The following BTN3A2 variants were observed in gnomAD, a reference collection of about 807,000 sequenced individuals.
BTN3A2 encodes butyrophilin protein.
In BTN3A2, 25 loss-of-function variants were observed where a neutral mutation model predicts 37.6. The observed-to-expected ratio is 0.66, with a 90% confidence interval of 0.48 to 0.93. The LOEUF (loss-of-function observed/expected upper bound fraction) is 0.93, where lower values mean the gene tolerates loss of function less well. BTN3A2 is among the 40% of genes least tolerant of loss of function. The pLI is 0.00. For missense variants in BTN3A2, 266 were observed against 410.9 expected (o/e 0.65, Z 3.05); for synonymous variants, 122 against 159.4 (o/e 0.77, Z 1.77).
chr6:26,375,992 G>A lies in BTN3A2; in HGVS notation c.*230G>A, dbSNP rs1760679726. On this transcript the variant is annotated 3_prime_UTR_variant, in exon 11 of 11. Transcript: ENST00000377708. ...AAGGCTGAGGAGGGCGGATCACAAG[G>A]TCAGGAGATCAAGACCATCCTGGCT... is the stretch of plus-strand genomic sequence containing the variant. 3.6e-6 allele frequency: 3 copies of A among 824,184 alleles called. No individual in the cohort carries two copies. Among genetic ancestry groups the A allele is most frequent in the South Asian group, 1.9e-5 (1 of 52,830 alleles). 51.1% of individuals were successfully genotyped at this position (824,184 alleles called of 1,614,324 possible).
chr6:26,369,619 G>C (rs2113686728), intron 4 of BTN3A2, among the ~76,000 whole-genome samples: 1 of 152,262 alleles, frequency 6.6e-6, no homozygotes, highest in Admixed American at 6.5e-5. Flanking sequence ...GACAAAAGCT[G>C]TAATTGATGA....
chr6:26,368,389 G>A, intron 3 of BTN3A2, 122 bp downstream of exon 3: 2 of 1,532,388 alleles, frequency 1.3e-6, no homozygotes, highest in South Asian at 1.2e-5. Context: ...TCCCATACCT[G>A]GAAGTCCATC....
In BTN3A2 at chr6:26,377,431, A is replaced by C. The variant is rs937565919; in HGVS notation, c.*1669A>C. On this transcript the variant is annotated 3_prime_UTR_variant, in exon 11 of 11. Coordinates refer to ENST00000377708, the MANE Select transcript of BTN3A2 (RefSeq NM_007047.5). ...TTGACTTTACAAAGCAGACAGGAAT[A>C]GTGAACAACAGAGCTGGGATCTGAA... The C allele has an allele frequency of 2.2e-6, 1 of 460,570 alleles. No homozygotes were observed. The highest frequency in any genetic ancestry group is 4.0e-6 in the Non-Finnish European group (1 of 250,132). 28.5% of individuals were successfully genotyped at this position (460,570 alleles called of 1,614,324 possible). A position where few individuals can be genotyped will look rare whatever the true frequency, so the allele number is the denominator to read the frequency against.
chr6:26,375,629 G>A (rs1056353769), intron 10 of BTN3A2, 168 bp from the exon 11 acceptor site: 1 of 1,496,310 alleles, frequency 6.7e-7, no homozygotes, highest in African/African-American at 1.4e-5. Context: ...CTGAAGGCTG[G>A]AGAGTGAATC....
In BTN3A2 at chr6:26,378,169, T is replaced by C. The variant is rs1190686197; in HGVS notation, c.*2407T>C. 6.6e-6 allele frequency: 1 copy of C among 152,224 alleles called. No homozygotes were observed. Among genetic ancestry groups the C allele is most frequent in the African/African-American group, 2.4e-5 (1 of 41,444 alleles). 9.4% of individuals were successfully genotyped at this position (152,224 alleles called of 1,614,324 possible). A position where few individuals can be genotyped will look rare whatever the true frequency, so the allele number is the denominator to read the frequency against. On this transcript the variant is annotated 3_prime_UTR_variant, in exon 11 of 11. Transcript: ENST00000377708. ...TCCACTCCTGGTCATTGGTGGATGT[T>C]AAACCCATATTCCTTTCAACTGCTG...
In BTN3A2 at chr6:26,376,302, C is replaced by T. The variant is rs1030499995; in HGVS notation, c.*540C>T. On this transcript the variant is annotated 3_prime_UTR_variant, in exon 11 of 11. Transcript: ENST00000377708. ...AGAATCAATGTGGGGAGGGAAACAACAAAAATGTAGAAAGAGGATCCTTGT... is the reference window on the plus strand; with the variant it reads ...AGAATCAATGTGGGGAGGGAAACAATAAAAATGTAGAAAGAGGATCCTTGT... 8 of 196,742 alleles carry T rather than the reference C, an allele frequency of 4.1e-5. No individual in the cohort carries two copies. The highest frequency in any genetic ancestry group is 3.2e-4 in the South Asian group (3 of 9,238). 12.2% of individuals were successfully genotyped at this position (196,742 alleles called of 1,614,324 possible).
chr6:26,371,399 A>C (rs575870281), intron 5 of BTN3A2, among the ~76,000 whole-genome samples: 8 of 152,316 alleles, frequency 5.3e-5, no homozygotes, highest in African/African-American at 7.2e-5. Flanking sequence ...ATATGAAATA[A>C]TTTTTCACTT....
chr6:26,373,588 GAAAAAAAA>G, intron 8 of BTN3A2, 175 bp downstream of exon 8: 8 of 139,482 alleles, frequency 5.7e-5, no homozygotes, highest in Non-Finnish European at 7.9e-5. Context: ...TTTCTCTCTA[GAAAAAAAA>G]AAAAAAAAAA....
intron 8 of BTN3A2, 40 bp from the exon 9 acceptor site, chr6:26,374,287 G>A: frequency 6.5e-7 from 1 of 1,542,060 alleles, no homozygotes; most frequent in Non-Finnish European, 8.8e-7. Context: ...CACAGAAAAG[G>A]CAGAGTTCTG....
chr6:26,370,661 G>A (rs1191989811), intron 5 of BTN3A2, 58 bp downstream of exon 5: 6 of 1,603,826 alleles, frequency 3.7e-6, no homozygotes, highest in African/African-American at 1.3e-5. Flanking sequence ...TGAATGAAGG[G>A]GGATGTGTTA....
rs1314580849 is a variant in BTN3A2 at position 26,377,248 on chromosome 6, C to T, written c.*1486C>T. ...GCCCAGCCTGGAGCTAAGGGTCTCA[C>T]CCTCCACAACAGCCAGTCAGAACCA... On this transcript the variant is annotated 3_prime_UTR_variant, in exon 11 of 11. Transcript: ENST00000377708. 4 of 856,442 alleles carry T rather than the reference C, an allele frequency of 4.7e-6. No homozygotes were observed. Among genetic ancestry groups the T allele is most frequent in the South Asian group, 2.7e-5 (2 of 73,602 alleles). 53.1% of individuals were successfully genotyped at this position (856,442 alleles called of 1,614,324 possible). A position where few individuals can be genotyped will look rare whatever the true frequency, so the allele number is the denominator to read the frequency against.
Position 26,377,542 on chromosome 6 carries a change from A to G in BTN3A2, c.*1780A>G, listed in dbSNP as rs1760784458. 1 of 261,958 alleles carries G rather than the reference A, an allele frequency of 3.8e-6. No homozygotes were observed. The highest frequency in any genetic ancestry group is 7.5e-6 in the Non-Finnish European group (1 of 133,690). The allele number at this position is 261,958 out of a possible 1,614,324, so 16.2% of individuals were successfully genotyped here. On this transcript the variant is annotated 3_prime_UTR_variant, in exon 11 of 11. Transcript: ENST00000377708. ...GGTGGGTGTCACTCCTTTAATCCTC[A>G]CAACACCCTGTCAGGTAGTCTCATT... is the stretch of plus-strand genomic sequence containing the variant.
In BTN3A2 at chr6:26,373,394, A is replaced by G; in HGVS notation, c.945A>G (p.Lys315=). ...RESLQEELKR[K]KIQYLTRGEE... ...CTGTTCATTCCATTGCAGAGAGGAA[A>G]AAAATCCAGTACTTGACTCGTGAGT... The change falls in exon 8 of 11, where the codon AAA becomes AAG. Residue 315 remains lysine, a synonymous_variant. Transcript: ENST00000377708. 1 of 1,602,734 alleles carries G rather than the reference A, an allele frequency of 6.2e-7. No homozygotes were observed. Among genetic ancestry groups the G allele is most frequent in the South Asian group, 1.1e-5 (1 of 87,794 alleles).
chr6:26,372,701 T>C (rs1760233175), intron 5 of BTN3A2, 196 bp from the exon 6 acceptor site: 5 of 591,802 alleles, frequency 8.4e-6, no homozygotes, highest in Non-Finnish European at 1.5e-5. Context: ...AGATAAGTAA[T>C]AGTAGTAGCT....
rs1759695024 is a variant in BTN3A2, at chr6:26,368,121, A to C, written c.-5-57A>C. On this transcript the variant is annotated intron_variant, in intron 2 of 10. Transcript: ENST00000377708. Reference sequence around the variant, plus strand: ...TGGACATTTCCATGCAGAATCCTAAAGCTTCTTCCAGGCCATAGTGTCTGT... The same window carrying C: ...TGGACATTTCCATGCAGAATCCTAACGCTTCTTCCAGGCCATAGTGTCTGT... The C allele has an allele frequency of 1.9e-6, 3 of 1,605,278 alleles. No homozygotes were observed. The African/African-American group carries it at 4.0e-5, about 21-fold the overall frequency.
intron 9 of BTN3A2, 32 bp from the exon 10 acceptor site, chr6:26,374,739 C>A: frequency 6.6e-7 from 1 of 1,518,206 alleles, no homozygotes; most frequent in Non-Finnish European, 9.1e-7. Context: ...AAAATACTGA[C>A]CTTTTTCTTA....
chr6:26,374,734 A>G, intron 9 of BTN3A2, 37 bp from the exon 10 acceptor site: 1 of 1,512,856 alleles, frequency 6.6e-7, no homozygotes, highest in Non-Finnish European at 9.1e-7. Context: ...GTACAAAAAT[A>G]CTGACCTTTT....
intron 5 of BTN3A2, 131 bp downstream of exon 5, chr6:26,370,734 TC>T: frequency 6.9e-7 from 1 of 1,451,878 alleles, no homozygotes; most frequent in Non-Finnish European, 9.2e-7. Context: ...ACCTGGAGGC[TC>T]CTCTTTGTGC....
rs1407663528 is a variant in BTN3A2 at position 26,365,490 on chromosome 6, G to GTGTC, written c.-67+141_-67+142insCTGT. On this transcript the variant is annotated intron_variant, in intron 1 of 10. Transcript: ENST00000377708. ...GTGCAGTGCCTGTGTGTGTGTGTGT[G>GTGTC]TGTGTGTGTGTGTGTGTGTGTGTGT... The GTGTC allele has an allele frequency of 4.6e-6, 3 of 650,688 alleles. No homozygotes were observed. In the East Asian group the frequency reaches 9.7e-5, roughly 21 times the overall value. 40.3% of individuals were successfully genotyped at this position (650,688 alleles called of 1,614,324 possible). A position where few individuals can be genotyped will look rare whatever the true frequency, so the allele number is the denominator to read the frequency against.
Sources: allele counts gnomAD v4.1 joint callset (sites outside exome capture counted in the v4.1 genomes callset), GRCh38; gene constraint gnomAD v4.1.1; transcripts MANE v1.5; gene names NCBI Gene and HGNC (gene_info 2026-07-23, HGNC 2026-07-21).